The following SDCCAG8 variants were observed in gnomAD, a reference collection of about 807,000 sequenced individuals.
SDCCAG8 encodes SHH signaling and ciliogenesis regulator SDCCAG8.
In SDCCAG8, 74 loss-of-function variants were observed where a neutral mutation model predicts 101.8. The ratio of observed to expected loss-of-function variants is 0.73; its 90% CI spans 0.60 to 0.88. The LOEUF (loss-of-function observed/expected upper bound fraction) is 0.88, where lower values mean the gene tolerates loss of function less well. Among genes scored for constraint, SDCCAG8 ranks in the 40% least tolerant of loss-of-function variants. SDCCAG8 has a pLI of 0.00. For missense variants in SDCCAG8, 787 were observed against 822.6 expected, an observed-to-expected ratio of 0.96 and a Z score of 0.53; for synonymous variants, 281 against 292.9, an observed-to-expected ratio of 0.96 and a Z score of 0.41.
intron 12 of SDCCAG8, among the ~76,000 whole-genome samples, chr1:243,347,872 G>A (rs1043917741): frequency 1.3e-5 from 2 of 151,996 alleles, no homozygotes; most frequent in African/African-American, 4.8e-5. Context: ...TTTGATTAGG[G>A]CCCAGTGCAA....
At chr1:243,288,513 A>G (rs973911059) in intron 5 of SDCCAG8, among the ~76,000 whole-genome samples, 1 of 152,078 alleles carries the variant, frequency 6.6e-6, no homozygotes, top group Admixed American at 6.6e-5. Flanking sequence ...TAATACATGC[A>G]TGGTGCTGTG....
chr1:243,323,206 T>C (rs1224710669), intron 9 of SDCCAG8, among the ~76,000 whole-genome samples: 1 of 151,984 alleles, frequency 6.6e-6, no homozygotes, highest in Non-Finnish European at 1.5e-5. Context: ...TTGTAGGTAC[T>C]GTTGAACAAT....
At chr1:243,432,029 G>GT (rs1370454676) in intron 16 of SDCCAG8, among the ~76,000 whole-genome samples, 2 of 152,072 alleles carry the variant, frequency 1.3e-5, no homozygotes, top group African/African-American at 4.8e-5. Context: ...TACCAAATCC[G>GT]TAAGTTCTAT....
At chr1:243,348,739 C>T (rs1003487376) in intron 12 of SDCCAG8, among the ~76,000 whole-genome samples, 4 of 150,550 alleles carry the variant, frequency 2.7e-5, no homozygotes, top group Non-Finnish European at 5.9e-5. Flanking sequence ...TTTGGGAGGC[C>T]GAGGTGGCGG....
At position 243,497,287 on chromosome 1, in the gene SDCCAG8, C is replaced by T. The variant is rs536643602; in HGVS notation, c.2113-2469C>T. 5.4e-4 allele frequency among the ~76,000 whole-genome samples: 72 copies of T among 132,448 alleles called. 1 individual carries two copies. The highest frequency in any genetic ancestry group is 8.4e-4 in the Non-Finnish European group (55 of 65,204). The allele number at this position is 132,448 out of a possible 152,430, so 86.9% of individuals were successfully genotyped here. A position where few individuals can be genotyped will look rare whatever the true frequency, so the allele number is the denominator to read the frequency against. On this transcript the variant is annotated intron_variant, in intron 17 of 17. Transcript: ENST00000366541. Reference sequence around the variant, plus strand: ...TCCTAGGACAAATTATCCAGCCCTCCAGTGCTGACTGAACGCTCACCATGG... The same window carrying T: ...TCCTAGGACAAATTATCCAGCCCTCTAGTGCTGACTGAACGCTCACCATGG...
At chr1:243,450,801 G>A (rs1026575510) in intron 16 of SDCCAG8, among the ~76,000 whole-genome samples, 2 of 152,084 alleles carry the variant, frequency 1.3e-5, no homozygotes, top group African/African-American at 2.4e-5. Context: ...TGGGATTATA[G>A]GTGTGCGCCA....
At chr1:243,289,889 C>T (rs1008655534) in intron 5 of SDCCAG8, among the ~76,000 whole-genome samples, 1 of 151,904 alleles carries the variant, frequency 6.6e-6, no homozygotes, top group African/African-American at 2.4e-5. Flanking sequence ...TGCTTGTAGC[C>T]CTGGACTTTG....
chr1:243,387,854 TACAGGTAGGCACCACC>T (rs2078409621), intron 13 of SDCCAG8, among the ~76,000 whole-genome samples: 1 of 152,138 alleles, frequency 6.6e-6, no homozygotes, highest in South Asian at 2.1e-4. Flanking sequence ...TAGCTGGGAT[TACAGGTAGGCACCACC>T]ATGCCTGGCT....
At chr1:243,268,200 A>G (rs1164732702) in intron 1 of SDCCAG8, 12 of 510,844 alleles carry the variant, frequency 2.3e-5, no homozygotes, top group Non-Finnish European at 3.9e-5. Context: ...TGTTAGTCAA[A>G]CTGTCTCGTT....
At chr1:243,497,966 G>A (rs1668450877) in intron 17 of SDCCAG8, among the ~76,000 whole-genome samples, 1 of 152,204 alleles carries the variant, frequency 6.6e-6, no homozygotes, top group Non-Finnish European at 1.5e-5. Flanking sequence ...ACAGGTGTGA[G>A]CCACTGTTGG....
At chr1:243,374,015 A>G (rs376755575) in intron 12 of SDCCAG8, among the ~76,000 whole-genome samples, 3 of 152,136 alleles carry the variant, frequency 2.0e-5, no homozygotes, top group East Asian at 3.9e-4. Context: ...ACATTTAAAT[A>G]CTGTATATTC....
rs181161764 is a variant in SDCCAG8, at chr1:243,498,818, T to C, written c.2113-938T>C. Among the ~76,000 whole-genome samples the C allele has an allele frequency of 1.4e-3, 217 of 152,328 alleles. 3 individuals carry two copies. The highest frequency in any genetic ancestry group is 0.01 in the Middle Eastern group (3 of 294). ...GAGAGGGGCAGGCCCACTTCTCTTT[T>C]TGGAAGATGGTTCCTAACTAAAGAA... On this transcript the variant is annotated intron_variant, in intron 17 of 17. Coordinates refer to ENST00000366541, the MANE Select transcript of SDCCAG8 (RefSeq NM_006642.5).
At chr1:243,463,535 C>A (rs543238101) in intron 16 of SDCCAG8, among the ~76,000 whole-genome samples, 1 of 152,308 alleles carries the variant, frequency 6.6e-6, no homozygotes, top group African/African-American at 2.4e-5. Context: ...TGTGTCTGTC[C>A]AGCCCCAAGA....
intron 12 of SDCCAG8, among the ~76,000 whole-genome samples, chr1:243,364,996 G>A (rs571253668): frequency 6.6e-6 from 1 of 152,318 alleles, no homozygotes; most frequent in African/African-American, 2.4e-5. Flanking sequence ...CAGACGATAT[G>A]TTTTCTTTAT....
At chr1:243,398,822 A>G (rs547800500) in intron 13 of SDCCAG8, among the ~76,000 whole-genome samples, 2 of 152,320 alleles carry the variant, frequency 1.3e-5, no homozygotes, top group South Asian at 2.1e-4. Flanking sequence ...AAATATGTAA[A>G]TTTAGTTGTA....
chr1:243,422,325 A>G (rs1434613217), intron 15 of SDCCAG8, among the ~76,000 whole-genome samples: 2 of 152,188 alleles, frequency 1.3e-5, no homozygotes, highest in African/African-American at 2.4e-5. Context: ...TTGTAAATTG[A>G]TCATTAAGAT....
intron 13 of SDCCAG8, among the ~76,000 whole-genome samples, chr1:243,392,718 T>C (rs1034811487): frequency 6.6e-6 from 1 of 152,220 alleles, no homozygotes; most frequent in Non-Finnish European, 1.5e-5. Flanking sequence ...AATGGCAGCA[T>C]GCGACAACTC....
chr1:243,483,832 C>A (rs1664257369), intron 16 of SDCCAG8, among the ~76,000 whole-genome samples: 1 of 152,250 alleles, frequency 6.6e-6, no homozygotes, highest in Non-Finnish European at 1.5e-5. Context: ...GGTTCCTTAA[C>A]CCCTATCCTG....
chr1:243,477,375 T>A (rs941948533), intron 16 of SDCCAG8, among the ~76,000 whole-genome samples: 2 of 152,200 alleles, frequency 1.3e-5, no homozygotes, highest in African/African-American at 2.4e-5. Context: ...TGTTCTTGCT[T>A]GAGACAAAGC....
Sources: allele counts gnomAD v4.1 joint callset (sites outside exome capture counted in the v4.1 genomes callset), GRCh38; gene constraint gnomAD v4.1.1; transcripts MANE v1.5; gene names NCBI Gene and HGNC (gene_info 2026-07-23, HGNC 2026-07-21).